The following CFTR variants were observed in gnomAD, a reference collection of about 807,000 sequenced individuals.
CFTR encodes the protein CF transmembrane conductance regulator.
In CFTR, 181 loss-of-function variants were observed where a neutral mutation model predicts 171.6. The ratio of observed to expected loss-of-function variants is 1.05; its 90% CI spans 0.93 to 1.19. CFTR has a LOEUF of 1.19. Among genes scored for constraint, CFTR ranks in the 50% most tolerant of loss-of-function variants. CFTR has a pLI of 0.00. For synonymous variants in CFTR, 583 were observed against 608.0 expected (o/e 0.96, Z 0.60); for missense variants, 1,968 against 1,734.7 (o/e 1.13, Z -2.39).
intron 11 of CFTR, among the ~76,000 whole-genome samples, chr7:117,564,315 C>G (rs543280932): frequency 6.6e-6 from 1 of 152,318 alleles, no homozygotes; most frequent in South Asian, 2.1e-4. Flanking sequence ...GTTATCTTGA[C>G]AGTCAAAATC....
At chr7:117,609,924 G>A (rs35701757) in intron 18 of CFTR, among the ~76,000 whole-genome samples, 1 of 151,984 alleles carries the variant, frequency 6.6e-6, no homozygotes, top group Non-Finnish European at 1.5e-5. Context: ...AATTTTCATA[G>A]AGCCTATGAA....
chr7:117,579,832 TA>T (rs1376212925), intron 11 of CFTR, among the ~76,000 whole-genome samples: 2 of 151,860 alleles, frequency 1.3e-5, no homozygotes, highest in Non-Finnish European at 2.9e-5. Context: ...ATAAAAATAT[TA>T]ATGTAATAAA....
chr7:117,657,472 G>A (rs145572494), intron 24 of CFTR, among the ~76,000 whole-genome samples: 2 of 152,226 alleles, frequency 1.3e-5, no homozygotes, highest in East Asian at 3.9e-4. Flanking sequence ...CCTGCTAGCA[G>A]CATACAAACA....
At chr7:117,635,175 G>C (rs1792806182) in intron 22 of CFTR, among the ~76,000 whole-genome samples, 1 of 152,068 alleles carries the variant, frequency 6.6e-6, no homozygotes, top group Non-Finnish European at 1.5e-5. Context: ...GTCTTTTGGA[G>C]CATGACCCAT....
In CFTR at chr7:117,540,210, T is replaced by C; in HGVS notation, c.980T>C (p.Leu327Pro). ...TTTTTATCTGTGCTTCCCTATGCAC[T>C]AATCAAAGGAATCATCCTCCGGAAA... is the stretch of plus-strand genomic sequence containing the variant. The part of the protein sequence containing the change: ...VVFLSVLPYA[L>P]IKGIILRKIF... The change falls in exon 8 of 27, where the codon CTA becomes CCA. Residue 327 changes from leucine (L) to proline (P), a missense_variant. Physicochemically the swap from Leu to Pro is moderately conservative, Grantham distance 98 (BLOSUM62 -3). Coordinates refer to ENST00000003084, the MANE Select transcript of CFTR (RefSeq NM_000492.4). 2.5e-6 allele frequency: 4 copies of C among 1,614,078 alleles called. No individual in the cohort carries two copies. The highest frequency in any genetic ancestry group is 3.4e-6 in the Non-Finnish European group (4 of 1,179,946).
At chr7:117,539,635 T>C (rs1450152397) in intron 7 of CFTR, among the ~76,000 whole-genome samples, 4 of 152,048 alleles carry the variant, frequency 2.6e-5, no homozygotes, top group East Asian at 1.9e-4. Context: ...AAGAATCCAT[T>C]AGACAATCAC....
At chr7:117,546,503 G>T (rs910926330) in intron 9 of CFTR, among the ~76,000 whole-genome samples, 1 of 151,850 alleles carries the variant, frequency 6.6e-6, no homozygotes, top group African/African-American at 2.4e-5. Flanking sequence ...ATAAATGTGT[G>T]GAGTGATATC....
chr7:117,607,896 C>A (rs962969459), intron 18 of CFTR, among the ~76,000 whole-genome samples: 1 of 152,092 alleles, frequency 6.6e-6, no homozygotes, highest in Non-Finnish European at 1.5e-5. Context: ...TAAATCCATG[C>A]GTTGAATTCA....
At chr7:117,536,474 G>C in intron 6 of CFTR, 74 bp from the exon 7 acceptor site, 7 of 1,394,366 alleles carry the variant, frequency 5.0e-6, no homozygotes, top group Non-Finnish European at 6.9e-6. Context: ...TTAAAACCTT[G>C]AGCAGTTCTT....
At chr7:117,566,295 C>T (rs191201324) in intron 11 of CFTR, among the ~76,000 whole-genome samples, 4 of 143,810 alleles carry the variant, frequency 2.8e-5, no homozygotes, top group Middle Eastern at 3.4e-3. Flanking sequence ...ACTAGCCAGG[C>T]GTGGTGGTGC....
At position 117,515,219 on chromosome 7, in the gene CFTR, T is replaced by G. The variant is rs1030072288; in HGVS notation, c.273+6077T>G. ...CTTTTGGCATTTTCCTCGTGAAGTC[T>G]TTGCCCGTGCCTATGTCCTGAATGG... On this transcript the variant is annotated intron_variant, in intron 3 of 26. Coordinates refer to ENST00000003084, the MANE Select transcript of CFTR (RefSeq NM_000492.4). 3.9e-5 allele frequency among the ~76,000 whole-genome samples: 6 copies of G among 152,162 alleles called. No individual in the cohort carries two copies. The South Asian group carries it at 1.2e-3, about 32-fold the overall frequency.
Position 117,627,729 on chromosome 7 carries a change from A to G in CFTR, c.3676A>G (p.Ile1226Val), listed in dbSNP as rs2116129961. 6.2e-7 allele frequency: 1 copy of G among 1,613,054 alleles called. No homozygotes were observed. Among genetic ancestry groups the G allele is most frequent in the African/African-American group, 1.3e-5 (1 of 75,006 alleles). The change falls in exon 22 of 27, where the codon ATA (isoleucine) becomes GTA (valine). Residue 1226 changes from isoleucine (I) to valine (V), a missense_variant. Transcript: ENST00000003084. ...AAAATACACAGAAGGTGGAAATGCCATATTAGAGAACATTTCCTTCTCAAT... is the reference window on the plus strand; with the variant it reads ...AAAATACACAGAAGGTGGAAATGCCGTATTAGAGAACATTTCCTTCTCAAT... ...TAKYTEGGNA[I>V]LENISFSISP...
At chr7:117,501,306 G>C (rs1362417576) in intron 1 of CFTR, among the ~76,000 whole-genome samples, 1 of 152,046 alleles carries the variant, frequency 6.6e-6, no homozygotes, top group Non-Finnish European at 1.5e-5. Context: ...GGCAGTAAGT[G>C]ATCTGCTGCA....
chr7:117,590,504 A>G, intron 13 of CFTR, 65 bp downstream of exon 13: 1 of 1,542,420 alleles, frequency 6.5e-7, no homozygotes, highest in Non-Finnish European at 8.8e-7. Context: ...AGACTGTCCC[A>G]TCATAGATTG....
intron 11 of CFTR, among the ~76,000 whole-genome samples, chr7:117,560,963 T>A (rs1396458948): frequency 6.6e-6 from 1 of 150,984 alleles, no homozygotes; most frequent in Admixed American, 6.6e-5. Flanking sequence ...CCTTACAGAC[T>A]TTTTTTTTGC....
At chr7:117,501,751 A>G (rs1798331455) in intron 1 of CFTR, among the ~76,000 whole-genome samples, 3 of 143,482 alleles carry the variant, frequency 2.1e-5, no homozygotes, top group African/African-American at 8.2e-5. Context: ...CTGTCTCAAA[A>G]AAAAAAAAAA....
At chr7:117,605,770 G>A (rs561903274) in intron 17 of CFTR, among the ~76,000 whole-genome samples, 2 of 152,174 alleles carry the variant, frequency 1.3e-5, no homozygotes, top group Non-Finnish European at 2.9e-5. Flanking sequence ...CAGTTTGGCT[G>A]AAACAGGATA....
At chr7:117,503,434 A>G (rs1296187839) in intron 1 of CFTR, among the ~76,000 whole-genome samples, 1 of 152,212 alleles carries the variant, frequency 6.6e-6, no homozygotes, top group African/African-American at 2.4e-5. Flanking sequence ...GATTGATTTC[A>G]CAATCCTTCT....
intron 22 of CFTR, among the ~76,000 whole-genome samples, chr7:117,635,632 A>G (rs1792814964): frequency 6.6e-6 from 1 of 151,978 alleles, no homozygotes; most frequent in African/African-American, 2.4e-5. Context: ...AACATTTTTT[A>G]GTGGTTGCCC....
Sources: gnomAD v4.1 joint callset for allele counts (sites outside exome capture counted in the v4.1 genomes callset) on GRCh38, gnomAD v4.1.1 for gene constraint, MANE v1.5 for transcripts, NCBI Gene and HGNC (gene_info 2026-07-23, HGNC 2026-07-21) for gene names.